AGMO: variants seen among roughly 807,000 people sequenced by gnomAD.
AGMO encodes the protein glyceryl-ether monooxygenase.
AGMO carries 75 observed loss-of-function variants against 60.2 expected under a neutral mutation model. The ratio of observed to expected loss-of-function variants is 1.25; its 90% CI spans 1.03 to 1.51. The LOEUF (loss-of-function observed/expected upper bound fraction) is 1.51, where lower values mean the gene tolerates loss of function less well. Among genes scored for constraint, AGMO ranks in the 40% most tolerant of loss-of-function variants. The pLI is 0.00. For missense variants in AGMO, 763 were observed against 525.5 expected, an observed-to-expected ratio of 1.45 and a Z score of -4.42; for synonymous variants, 261 against 177.1, an observed-to-expected ratio of 1.47 and a Z score of -3.76.
At chr7:15,248,223 T>TAAATATATA (rs1231410118) in intron 12 of AGMO, among the ~76,000 whole-genome samples, 1 of 111,992 alleles carries the variant, frequency 8.9e-6, no homozygotes, top group Non-Finnish European at 1.9e-5. Context: ...TATATATATA[T>TAAATATATA]ATCTTCATCT....
intron 12 of AGMO, among the ~76,000 whole-genome samples, chr7:15,233,058 A>G (rs893859882): frequency 6.6e-6 from 1 of 152,212 alleles, no homozygotes; most frequent in Non-Finnish European, 1.5e-5. Context: ...TCATACTATT[A>G]TTCTAAGAAA....
intron 4 of AGMO, among the ~76,000 whole-genome samples, chr7:15,421,204 T>G (rs1422570199): frequency 1.3e-5 from 2 of 152,088 alleles, no homozygotes; most frequent in African/African-American, 4.8e-5. Flanking sequence ...CCTCAGGGAA[T>G]CCATGAATCC....
intron 12 of AGMO, among the ~76,000 whole-genome samples, chr7:15,287,205 A>G (rs1784122482): frequency 6.6e-6 from 1 of 152,184 alleles, no homozygotes; most frequent in Non-Finnish European, 1.5e-5. Context: ...AAAACCATGT[A>G]CATCCCCAAA....
At chr7:15,349,254 A>G (rs1782146361) in intron 12 of AGMO, among the ~76,000 whole-genome samples, 1 of 152,132 alleles carries the variant, frequency 6.6e-6, no homozygotes, top group African/African-American at 2.4e-5. Context: ...TTCAATATCC[A>G]ACATTCTCCC....
chr7:15,189,680 T>C, the AGMO span, among the ~76,000 whole-genome samples: 4 of 152,076 alleles, frequency 2.6e-5, no homozygotes, highest in East Asian at 3.9e-4. Flanking sequence ...AAGTTGTATA[T>C]TGAATTTCAG....
In AGMO at chr7:15,418,561, TG is replaced by T. The variant is rs1562497495; in HGVS notation, c.605del (p.Thr202LysfsTer12). 6.3e-7 allele frequency: 1 copy of T among 1,582,524 alleles called. No individual in the cohort carries two copies. ...CAAAGATAAAAAAAAGTTTTACCTC[TG>T]TATGGATCCAAAATTGGTAAAGAAG... ...FNLLYQFWIH[T>X]EVINNLGPLE... On this transcript the variant is annotated frameshift_variant, in exon 5 of 13. Coordinates refer to ENST00000342526, the MANE Select transcript of AGMO (RefSeq NM_001004320.2). LOFTEE classifies it high-confidence loss of function.
At chr7:15,190,418 C>T in the AGMO span, among the ~76,000 whole-genome samples, 1 of 151,588 alleles carries the variant, frequency 6.6e-6, no homozygotes, top group African/African-American at 2.4e-5. Context: ...TAAAGTAGAT[C>T]ATACTTCATA....
intron 3 of AGMO, among the ~76,000 whole-genome samples, chr7:15,477,566 T>A (rs1280214274): frequency 2.0e-5 from 3 of 152,124 alleles, no homozygotes; most frequent in Non-Finnish European, 4.4e-5. Context: ...AATTCGGCAA[T>A]TCTTGTGGGC....
intron 10 of AGMO, among the ~76,000 whole-genome samples, chr7:15,375,126 A>G (rs1783394689): frequency 6.6e-6 from 1 of 152,058 alleles, no homozygotes; most frequent in African/African-American, 2.4e-5. Flanking sequence ...AGATCCTACA[A>G]CAGTTGCCAA....
intron 12 of AGMO, among the ~76,000 whole-genome samples, chr7:15,259,560 C>T (rs1783206252): frequency 6.6e-6 from 1 of 151,986 alleles, no homozygotes; most frequent in Admixed American, 6.6e-5. Flanking sequence ...CCAAAGAACA[C>T]CTGGGAAACT....
chr7:15,135,182 G>A, the AGMO span, among the ~76,000 whole-genome samples: 33 of 150,376 alleles, frequency 2.2e-4, no homozygotes, highest in African/African-American at 7.8e-4. Context: ...GTGTGTGTGT[G>A]TGTGTGTGTC....
chr7:15,507,164 C>T (rs1783534010), intron 3 of AGMO, among the ~76,000 whole-genome samples: 1 of 151,818 alleles, frequency 6.6e-6, no homozygotes, highest in Admixed American at 6.6e-5. Flanking sequence ...CTACAAAAGT[C>T]AAGGACAAAG....
intron 12 of AGMO, among the ~76,000 whole-genome samples, chr7:15,261,367 T>C (rs1643730384): frequency 1.3e-5 from 2 of 152,022 alleles, no homozygotes; most frequent in Non-Finnish European, 2.9e-5. Flanking sequence ...AATGCTACTA[T>C]GAACATCTTT....
chr7:15,309,839 C>A (rs1315157648), intron 12 of AGMO, among the ~76,000 whole-genome samples: 1 of 152,142 alleles, frequency 6.6e-6, no homozygotes, highest in African/African-American at 2.4e-5. Context: ...ACATTGTTCC[C>A]CATCTTTAAT....
intron 3 of AGMO, among the ~76,000 whole-genome samples, chr7:15,497,562 T>C (rs1261942318): frequency 6.6e-6 from 1 of 152,046 alleles, no homozygotes. Context: ...CTCAGAAGAA[T>C]ACCTCCTTGC....
rs548360005 is a variant in AGMO at position 15,390,763 on chromosome 7, T to G, written c.743-13A>C. The G allele has an allele frequency of 1.1e-5, 17 of 1,602,884 alleles. 1 individual carries two copies. The highest frequency in any genetic ancestry group is 1.7e-4 in the Middle Eastern group (1 of 6,036). ...GCTTCAAATGTCCCTGGAAGATAAATATAAAGATATGAGATTTGGCTTCCT... is the reference window on the plus strand; with the variant it reads ...GCTTCAAATGTCCCTGGAAGATAAAGATAAAGATATGAGATTTGGCTTCCT... On this transcript the variant is annotated splice_polypyrimidine_tract_variant and intron_variant, in intron 7 of 12. Transcript: ENST00000342526.
chr7:15,514,517 G>A (rs1320105987), intron 3 of AGMO, among the ~76,000 whole-genome samples: 1 of 152,002 alleles, frequency 6.6e-6, no homozygotes, highest in South Asian at 2.1e-4. Context: ...AGAAATTAAG[G>A]AATTTGTACA....
intron 12 of AGMO, among the ~76,000 whole-genome samples, chr7:15,251,479 C>T (rs922771533): frequency 6.6e-6 from 1 of 152,168 alleles, no homozygotes; most frequent in Non-Finnish European, 1.5e-5. Context: ...GACTTGAGAA[C>T]AAAAGAGGGG....
the AGMO span, among the ~76,000 whole-genome samples, chr7:15,143,617 A>G: frequency 5.9e-5 from 9 of 151,934 alleles, no homozygotes; most frequent in Admixed American, 5.9e-4. Context: ...ATTTAAAAAC[A>G]TATTTCCATT....
Sources: gnomAD v4.1 joint callset for allele counts (sites outside exome capture counted in the v4.1 genomes callset) on GRCh38, gnomAD v4.1.1 for gene constraint, MANE v1.5 for transcripts, NCBI Gene and HGNC (gene_info 2026-07-23, HGNC 2026-07-21) for gene names.